WDR27: variants seen among roughly 807,000 people sequenced by gnomAD.
WDR27 encodes WD repeat domain 27, also known as WD repeat-containing protein 27.
In WDR27, 100 loss-of-function variants were observed where a neutral mutation model predicts 114.4. The observed-to-expected ratio is 0.87, with a 90% CI of 0.74 to 1.03. The LOEUF is 1.03. Ranked by LOEUF, WDR27 falls within the 50% of genes least tolerant of loss-of-function variation. WDR27 has a pLI of 0.00. For synonymous variants in WDR27, 449 were observed against 423.1 expected (o/e 1.06, Z -0.75); for missense variants, 1,129 against 1,092.9 (o/e 1.03, Z -0.47).
At chr6:169,627,622 G>A (rs537062603) in intron 21 of WDR27, among the ~76,000 whole-genome samples, 2 of 152,312 alleles carry the variant, frequency 1.3e-5, no homozygotes, top group East Asian at 1.9e-4. Flanking sequence ...CTCCTCCCTT[G>A]GTGCTGTGCA....
At chr6:169,594,168 T>C (rs566386413) in intron 23 of WDR27, among the ~76,000 whole-genome samples, 91 of 152,330 alleles carry the variant, frequency 6.0e-4, no homozygotes, top group African/African-American at 1.8e-3. Flanking sequence ...TTCTACAATT[T>C]CCTATTTTGT....
chr6:169,687,465 G>C (rs112582277), intron 2 of WDR27, among the ~76,000 whole-genome samples: 5 of 152,078 alleles, frequency 3.3e-5, no homozygotes, highest in Non-Finnish European at 5.9e-5. Context: ...TATCTAAATG[G>C]CCAATAAATG....
At chr6:169,554,448 C>G (rs989429614) in intron 25 of WDR27, among the ~76,000 whole-genome samples, 1 of 152,198 alleles carries the variant, frequency 6.6e-6, no homozygotes, top group African/African-American at 2.4e-5. Flanking sequence ...CATGGCCCTG[C>G]TTGTCAACTC....
In WDR27 at chr6:169,530,932, A is replaced by G. The variant is rs1795514886; in HGVS notation, c.2645+41487T>C. On this transcript the variant is annotated intron_variant, in intron 25 of 25. Coordinates refer to ENST00000448612, the MANE Select transcript of WDR27 (RefSeq NM_182552.5). Reference sequence around the variant, plus strand: ...ATGCAGCCACATCCTTCCTCATGTTAAAAAGCTGATGTCTGGTCTGATCTC... The same window carrying G: ...ATGCAGCCACATCCTTCCTCATGTTGAAAAGCTGATGTCTGGTCTGATCTC... 2.6e-5 allele frequency among the ~76,000 whole-genome samples: 4 copies of G among 152,202 alleles called. No homozygotes were observed. In the South Asian group the frequency reaches 8.3e-4, roughly 31 times the overall value.
At chr6:169,695,064 T>G (rs1053167976) in intron 1 of WDR27, among the ~76,000 whole-genome samples, 1 of 152,216 alleles carries the variant, frequency 6.6e-6, no homozygotes, top group African/African-American at 2.4e-5. Context: ...AGGATGTGGA[T>G]GCTAAGACAA....
chr6:169,524,752 C>T (rs1257237030), intron 25 of WDR27, among the ~76,000 whole-genome samples: 1 of 152,166 alleles, frequency 6.6e-6, no homozygotes, highest in Admixed American at 6.5e-5. Context: ...AACTGAACCC[C>T]TATCCCTCCT....
Position 169,694,831 on chromosome 6 carries a change from C to T in WDR27, c.-7-5819G>A, listed in dbSNP as rs556686990. 4.1e-4 allele frequency among the ~76,000 whole-genome samples: 62 copies of T among 152,378 alleles called. 1 individual carries two copies. The highest frequency in any genetic ancestry group is 2.1e-3 in the South Asian group (10 of 4,830). The stretch of plus-strand genomic sequence containing the variant: ...ACCTGAGTGTGGCCTCCCACCGTTG[C>T]AGGGCGCTGCGGAAGAAAGCATCTC... On this transcript the variant is annotated intron_variant, in intron 1 of 25. Transcript: ENST00000448612.
intron 22 of WDR27, among the ~76,000 whole-genome samples, chr6:169,606,923 C>A (rs1471698941): frequency 2.0e-5 from 3 of 152,236 alleles, no homozygotes; most frequent in African/African-American, 7.2e-5. Context: ...AATGTACGTT[C>A]CCACCAACAG....
chr6:169,637,464 C>T (rs534382843), intron 18 of WDR27, among the ~76,000 whole-genome samples: 7 of 152,286 alleles, frequency 4.6e-5, no homozygotes, highest in East Asian at 1.9e-4. Context: ...CATCTATCTG[C>T]GTGTGTGCCT....
chr6:169,534,737 C>A (rs1167389100), intron 25 of WDR27, among the ~76,000 whole-genome samples: 1 of 151,628 alleles, frequency 6.6e-6, no homozygotes, highest in African/African-American at 2.4e-5. Flanking sequence ...TGGTAATGGT[C>A]TCTCTTTTGT....
chr6:169,640,023 C>A (rs2128226180), intron 17 of WDR27, among the ~76,000 whole-genome samples: 1 of 152,250 alleles, frequency 6.6e-6, no homozygotes, highest in East Asian at 1.9e-4. Flanking sequence ...CCCAGCCCTG[C>A]AGCCTCTGAC....
intron 25 of WDR27, among the ~76,000 whole-genome samples, chr6:169,553,221 C>T (rs1422362852): frequency 6.6e-6 from 1 of 152,064 alleles, no homozygotes; most frequent in Non-Finnish European, 1.5e-5. Flanking sequence ...AGAGTCCTGG[C>T]TGTCCCGATG....
At chr6:169,589,225 T>C (rs1030032506) in intron 23 of WDR27, among the ~76,000 whole-genome samples, 1 of 152,212 alleles carries the variant, frequency 6.6e-6, no homozygotes, top group Non-Finnish European at 1.5e-5. Flanking sequence ...TTTCCATCCA[T>C]TATTTCCAAT....
chr6:169,484,072 T>C (rs1408538869), intron 25 of WDR27, among the ~76,000 whole-genome samples: 3 of 152,174 alleles, frequency 2.0e-5, no homozygotes, highest in Admixed American at 6.5e-5. Flanking sequence ...AATGTTGTAC[T>C]GAATTGACAA....
At chr6:169,665,464 C>CTTA in intron 7 of WDR27, 22 bp downstream of exon 7, 1 of 1,608,286 alleles carries the variant, frequency 6.2e-7, no homozygotes, top group Non-Finnish European at 8.5e-7. Flanking sequence ...GGAACTGGAA[C>CTTA]TTAACTCTGT....
chr6:169,588,837 C>T (rs1805141297), intron 23 of WDR27, among the ~76,000 whole-genome samples: 1 of 152,178 alleles, frequency 6.6e-6, no homozygotes, highest in Non-Finnish European at 1.5e-5. Flanking sequence ...AAACCATTTA[C>T]AATAACGGAC....
intron 25 of WDR27, among the ~76,000 whole-genome samples, chr6:169,529,714 T>C (rs1795364960): frequency 6.6e-6 from 1 of 152,218 alleles, no homozygotes; most frequent in South Asian, 2.1e-4. Context: ...ATTAGAATAC[T>C]ATAAGCACAA....
intron 25 of WDR27, among the ~76,000 whole-genome samples, chr6:169,563,964 T>C (rs1352810713): frequency 1.3e-5 from 2 of 152,158 alleles, no homozygotes; most frequent in Non-Finnish European, 2.9e-5. Context: ...GATGAGTATA[T>C]GGAGGGGAGT....
At chr6:169,427,768 C>G in the WDR27 span, among the ~76,000 whole-genome samples, 4 of 136,250 alleles carry the variant, frequency 2.9e-5, no homozygotes, top group Non-Finnish European at 6.2e-5. Context: ...CAGCCCCTGT[C>G]TTATTTTGCT....
Sources: gnomAD v4.1 joint callset for allele counts (sites outside exome capture counted in the v4.1 genomes callset) on GRCh38, gnomAD v4.1.1 for gene constraint, MANE v1.5 for transcripts, NCBI Gene and HGNC (gene_info 2026-07-23, HGNC 2026-07-21) for gene names.